OPHN1: variants seen among roughly 807,000 people sequenced by gnomAD.
The protein encoded by OPHN1 is oligophrenin-1.
OPHN1 carries 11 observed loss-of-function variants against 60.7 expected under a neutral mutation model. The observed-to-expected ratio is 0.18, with a 90% confidence interval of 0.11 to 0.30. The LOEUF (loss-of-function observed/expected upper bound fraction) is 0.30. Among genes scored for constraint, OPHN1 ranks in the 10% least tolerant of loss-of-function variants. The pLI, the probability that OPHN1 is intolerant of heterozygous loss-of-function variation, is 1.00. For missense variants in OPHN1, 449 were observed against 611.0 expected (o/e 0.73, Z 2.80); for synonymous variants, 226 against 222.6 (o/e 1.02, Z -0.14).
chrX:68,279,101 CTT>C (rs984725368), intron 4 of OPHN1, among the ~76,000 whole-genome samples: 107 of 21,764 alleles, frequency 4.9e-3, no homozygotes, highest in African/African-American at 0.022. Flanking sequence ...CTCCCCCGCT[CTT>C]TTTTTTTTTT....
intron 2 of OPHN1, among the ~76,000 whole-genome samples, chrX:68,354,084 A>T (rs2078427123): frequency 8.9e-6 from 1 of 111,821 alleles, no homozygotes; most frequent in South Asian, 3.7e-4. Flanking sequence ...GTTTAATAAA[A>T]GAGCATTAAA....
chrX:68,286,780 C>T (rs1602298120), intron 3 of OPHN1, among the ~76,000 whole-genome samples: 1 of 111,325 alleles, frequency 9.0e-6, no homozygotes, highest in African/African-American at 3.3e-5. Context: ...CTCTGGGAGG[C>T]TCAGGCAGGT....
At chrX:68,096,290 T>C (rs191445060) in intron 19 of OPHN1, among the ~76,000 whole-genome samples, 3 of 112,111 alleles carry the variant, frequency 2.7e-5, no homozygotes, top group Admixed American at 1.9e-4. Context: ...CATTAGATCA[T>C]ATCCTTCTGT....
intron 2 of OPHN1, among the ~76,000 whole-genome samples, chrX:68,340,788 G>C (rs2078347308): frequency 9.0e-6 from 1 of 111,067 alleles, no homozygotes; most frequent in Admixed American, 9.6e-5. Flanking sequence ...TGGATCACCT[G>C]AGGTCAGGAG....
intron 11 of OPHN1, 48 bp downstream of exon 11, chrX:68,201,571 A>C: frequency 9.7e-7 from 1 of 1,030,046 alleles, no homozygotes; most frequent in Non-Finnish European, 1.4e-6. Context: ...ACCCAGGCTA[A>C]GCATCTGGCA....
Position 68,111,907 on chromosome X carries a change from C to T in OPHN1, c.1473G>A (p.Lys491=). 1.7e-6 allele frequency: 2 copies of T among 1,208,041 alleles called. No homozygotes were observed. ...GCATCTCTCGGTTCTTTTCTGGTAGCTTATATACCAGGGAGTGAATAGCTC... is the reference window on the plus strand; with the variant it reads ...GCATCTCTCGGTTCTTTTCTGGTAGTTTATATACCAGGGAGTGAATAGCTC... The part of the protein sequence containing the change: ...RLGAIHSLVY[K]LPEKNREMLE... Residue 491 remains lysine, a synonymous_variant, in exon 18 of 25, where the codon AAG becomes AAA. Transcript: ENST00000355520.
intron 2 of OPHN1, among the ~76,000 whole-genome samples, chrX:68,315,256 G>A (rs1373762581): frequency 1.9e-5 from 2 of 107,067 alleles, no homozygotes; most frequent in Non-Finnish European, 3.8e-5. Flanking sequence ...AGGAAGAAAG[G>A]GAAGAAAGAA....
intron 2 of OPHN1, among the ~76,000 whole-genome samples, chrX:68,373,855 T>A (rs2078541711): frequency 9.0e-6 from 1 of 111,485 alleles, no homozygotes. Flanking sequence ...AAGTGATTTC[T>A]AAGTTGTCAC....
chrX:68,053,524 A>G, intron 22 of OPHN1, 121 bp downstream of exon 22: 1 of 709,800 alleles, frequency 1.4e-6, no homozygotes, highest in Non-Finnish European at 2.2e-6. Context: ...ATTTCCCTAG[A>G]CTATAAAGTG....
At chrX:68,057,406 T>C (rs2076877498) in intron 21 of OPHN1, among the ~76,000 whole-genome samples, 2 of 111,353 alleles carry the variant, frequency 1.8e-5, no homozygotes, top group African/African-American at 6.5e-5. Flanking sequence ...CCATTTCCAC[T>C]GGTTACTGCT....
intron 2 of OPHN1, among the ~76,000 whole-genome samples, chrX:68,309,436 G>A (rs2078162333): frequency 9.0e-6 from 1 of 111,580 alleles, no homozygotes; most frequent in African/African-American, 3.3e-5. Flanking sequence ...GAGAAAGCAA[G>A]AAAAAGAAGC....
intron 10 of OPHN1, among the ~76,000 whole-genome samples, chrX:68,205,979 AGTGTGT>A (rs1228949782): frequency 2.3e-4 from 21 of 91,208 alleles, no homozygotes; most frequent in African/African-American, 7.1e-4. Flanking sequence ...AGTGTGTGTG[AGTGTGT>A]GTGTGTGTGT....
intron 2 of OPHN1, among the ~76,000 whole-genome samples, chrX:68,381,547 A>G (rs1288812156): frequency 9.0e-6 from 1 of 111,328 alleles, no homozygotes; most frequent in Non-Finnish European, 1.9e-5. Flanking sequence ...TCCTTCCAAC[A>G]TACTTCCTGG....
chrX:68,106,231 A>G (rs1348885552), intron 18 of OPHN1, among the ~76,000 whole-genome samples: 1 of 87,765 alleles, frequency 1.1e-5, no homozygotes, highest in Non-Finnish European at 2.2e-5. Flanking sequence ...TTTCTAATTT[A>G]TACAATGCAC....
At chrX:68,085,270 T>C (rs995270976) in intron 19 of OPHN1, among the ~76,000 whole-genome samples, 2 of 112,273 alleles carry the variant, frequency 1.8e-5, no homozygotes, top group Admixed American at 9.4e-5. Context: ...AGGTTTTCCC[T>C]ATTCATGGAA....
chrX:68,397,850 G>T (rs1247988013), intron 2 of OPHN1, among the ~76,000 whole-genome samples: 2 of 110,708 alleles, frequency 1.8e-5, no homozygotes, highest in Non-Finnish European at 3.8e-5. Context: ...TAATTCCCTG[G>T]GCTTTTTTCC....
chrX:68,118,167 A>G (rs1214587386), intron 16 of OPHN1, among the ~76,000 whole-genome samples: 2 of 111,525 alleles, frequency 1.8e-5, no homozygotes, highest in Non-Finnish European at 3.8e-5. Flanking sequence ...CTGAGATTTA[A>G]AAAATACAAG....
chrX:68,168,136 C>T lies in OPHN1; in HGVS notation c.1276+24783G>A, dbSNP rs371895709. On this transcript the variant is annotated intron_variant, in intron 15 of 24. Coordinates refer to ENST00000355520, the MANE Select transcript of OPHN1 (RefSeq NM_002547.3). ...AAGGATACCCAGGAATTGAACTCAGCTCTGCACCAAACGGACCTAATAGAC... is the reference window on the plus strand; with the variant it reads ...AAGGATACCCAGGAATTGAACTCAGTTCTGCACCAAACGGACCTAATAGAC... 7.2e-5 allele frequency among the ~76,000 whole-genome samples: 8 copies of T among 110,760 alleles called. No homozygotes were observed. In the East Asian group the frequency reaches 2.3e-3, roughly 32 times the overall value.
chrX:68,269,416 C>T (rs1262921059), intron 5 of OPHN1, among the ~76,000 whole-genome samples: 3 of 110,952 alleles, frequency 2.7e-5, no homozygotes, highest in African/African-American at 6.6e-5. Context: ...CAGAACAGAG[C>T]CCTCAGAAAT....
Sources: gnomAD v4.1 joint callset for allele counts (sites outside exome capture counted in the v4.1 genomes callset) on GRCh38, gnomAD v4.1.1 for gene constraint, MANE v1.5 for transcripts, NCBI Gene and HGNC (gene_info 2026-07-23, HGNC 2026-07-21) for gene names.